DNAH6: variants seen among roughly 807,000 people sequenced by gnomAD.
DNAH6 encodes the protein axonemal beta dynein heavy chain 6.
Under a neutral mutation model 491.4 loss-of-function variants are expected in DNAH6, and 340 were observed. The ratio of observed to expected loss-of-function variants is 0.69; its 90% confidence interval spans 0.63 to 0.76. The LOEUF (loss-of-function observed/expected upper bound fraction) is 0.76. DNAH6 is among the 30% of genes least tolerant of loss of function. DNAH6 has a pLI of 0.00. For missense variants in DNAH6, 4,443 were observed against 4,972.2 expected (o/e 0.89, Z 3.20); for synonymous variants, 1,603 against 1,686.1 (o/e 0.95, Z 1.21).
chr2:84,785,283 A>T (rs1295981538), intron 66 of DNAH6, among the ~76,000 whole-genome samples: 1 of 152,198 alleles, frequency 6.6e-6, no homozygotes, highest in African/African-American at 2.4e-5. Flanking sequence ...TGCCCTATGT[A>T]GGGATGATGC....
At position 84,699,687 on chromosome 2, in the gene DNAH6, A is replaced by G. The variant is rs1425882040; in HGVS notation, c.7771A>G (p.Met2591Val). The G allele has an allele frequency of 6.4e-7, 1 of 1,551,724 alleles. No homozygotes were observed. The highest frequency in any genetic ancestry group is 8.7e-7 in the Non-Finnish European group (1 of 1,146,992). ...GGAGGCCTTTCGGTCCCGATGCAGG[A>G]TGTTTCCATCCCTTGTGAATTGCTG... ...VGEAFRSRCR[M>V]FPSLVNCCTI... Residue 2591 changes from methionine (M) to valine (V), a missense_variant, in exon 48 of 77, where the codon ATG (methionine) becomes GTG (valine). Met to Val is a conservative substitution (Grantham distance 21). Coordinates refer to ENST00000389394, the MANE Select transcript of DNAH6 (RefSeq NM_001370.2).
the DNAH6 span, among the ~76,000 whole-genome samples, chr2:84,477,567 A>G: frequency 6.6e-6 from 1 of 152,188 alleles, no homozygotes; most frequent in Admixed American, 6.5e-5. Context: ...CTAAGCTCTC[A>G]TGGTTTCCCT....
chr2:84,729,667 C>G (rs976932204), intron 61 of DNAH6, among the ~76,000 whole-genome samples: 2 of 152,166 alleles, frequency 1.3e-5, no homozygotes, highest in Non-Finnish European at 2.9e-5. Context: ...CCATCAAACT[C>G]AAAATTTAAA....
chr2:84,518,926 A>C (rs1675867708), intron 2 of DNAH6, among the ~76,000 whole-genome samples: 1 of 152,144 alleles, frequency 6.6e-6, no homozygotes, highest in Non-Finnish European at 1.5e-5. Context: ...TCATGCCTGT[A>C]ATCTTAGCAC....
At chr2:84,593,205 T>G (rs774407102) in intron 16 of DNAH6, among the ~76,000 whole-genome samples, 12 of 152,344 alleles carry the variant, frequency 7.9e-5, no homozygotes, top group Middle Eastern at 3.4e-3. Flanking sequence ...ACTTCAAGAC[T>G]GATTCCTTCC....
chr2:84,473,524 C>T, the DNAH6 span, among the ~76,000 whole-genome samples: 210 of 152,294 alleles, frequency 1.4e-3, 2 homozygotes, highest in African/African-American at 4.6e-3. Flanking sequence ...ATTTTTTCTT[C>T]AATTAATTGA....
In DNAH6 at chr2:84,525,680, G is replaced by A. The variant is rs1676546191; in HGVS notation, c.341G>A (p.Ser114Asn). The change falls in exon 3 of 77, where the codon AGT becomes AAT. Residue 114 changes from serine to asparagine, a missense_variant. By Grantham distance (46) the Ser-to-Asn change is conservative. This residue lies in a region of DNAH6 where 2,977 missense variants were observed against 3,296.6 expected (regional missense o/e 0.90). Transcript: ENST00000389394. ...CGTCCAGTAAGCATAGCAAAAAAAA[G>A]TTTTGCCACATCATCTACTCAGTTT... is the stretch of plus-strand genomic sequence containing the variant. ...IKRPVSIAKK[S>N]FATSSTQFLE... The A allele has an allele frequency of 1.3e-5, 20 of 1,550,164 alleles. No individual in the cohort carries two copies. The highest frequency in any genetic ancestry group is 1.7e-5 in the Non-Finnish European group (20 of 1,146,212).
chr2:84,616,995 AG>A lies in DNAH6; in HGVS notation c.3572+14del. On this transcript the variant is annotated intron_variant, in intron 23 of 76. Transcript: ENST00000389394. ...TTATCTTTCCAAGGTAAGTTTATAA[AG>A]CAACCTAAGATATTTTTTAGTAGTT... is the stretch of plus-strand genomic sequence containing the variant. 1.4e-6 allele frequency: 2 copies of A among 1,393,272 alleles called. No individual in the cohort carries two copies. Among genetic ancestry groups the A allele is most frequent in the Non-Finnish European group, 1.9e-6 (2 of 1,035,178 alleles). The allele number at this position is 1,393,272 out of a possible 1,614,324, so 86.3% of individuals were successfully genotyped here.
chr2:84,642,238 A>G (rs1263826980), intron 33 of DNAH6, among the ~76,000 whole-genome samples, 184 bp downstream of exon 33: 1 of 152,166 alleles, frequency 6.6e-6, no homozygotes, highest in Non-Finnish European at 1.5e-5. Context: ...CATAATTACA[A>G]TCATTTGTGT....
chr2:84,661,323 A>G lies in DNAH6; in HGVS notation c.6084+2154A>G, dbSNP rs540740746. ...CAACTTTTAGTAAACACTATATTGG[A>G]GAGTCTAGCCAGTGCAATAAGGCAA... On this transcript the variant is annotated intron_variant, in intron 37 of 76. Coordinates refer to ENST00000389394, the MANE Select transcript of DNAH6 (RefSeq NM_001370.2). Among the ~76,000 whole-genome samples, 4 of 152,266 alleles carry G rather than the reference A, an allele frequency of 2.6e-5. No homozygotes were observed. In the East Asian group the frequency reaches 7.7e-4, roughly 29 times the overall value.
intron 72 of DNAH6, 58 bp from the exon 73 acceptor site, chr2:84,812,283 C>T: frequency 6.8e-7 from 1 of 1,469,326 alleles, no homozygotes; most frequent in Non-Finnish European, 9.2e-7. Context: ...TAATGTGTGT[C>T]ACTGACACTG....
At chr2:84,793,410 T>C (rs955411969) in intron 68 of DNAH6, among the ~76,000 whole-genome samples, 2 of 152,226 alleles carry the variant, frequency 1.3e-5, no homozygotes, top group African/African-American at 2.4e-5. Context: ...TGTTGATTTG[T>C]AAGGAAAACA....
In DNAH6 at chr2:84,525,740, TATA is replaced by T. The variant is rs1457953811; in HGVS notation, c.399+6_399+8del. The T allele has an allele frequency of 6.5e-7, 1 of 1,534,210 alleles. No homozygotes were observed. The highest frequency in any genetic ancestry group is 8.8e-7 in the Non-Finnish European group (1 of 1,140,098). ...CAAGATGCTGTGAAAAAAATGCAGG[TATA>T]ATATTAAAATACTTAATTGATTCTT... On this transcript the variant is annotated splice_donor_5th_base_variant and intron_variant, in intron 3 of 76. Transcript: ENST00000389394.
chr2:84,544,016 T>G (rs1678519376), intron 4 of DNAH6, among the ~76,000 whole-genome samples: 1 of 152,154 alleles, frequency 6.6e-6, no homozygotes, highest in Non-Finnish European at 1.5e-5. Context: ...AAGCCAATAT[T>G]GCCACAGTTG....
At chr2:84,490,736 A>G in the DNAH6 span, among the ~76,000 whole-genome samples, 1 of 152,000 alleles carries the variant, frequency 6.6e-6, no homozygotes, top group Admixed American at 6.6e-5. Flanking sequence ...TAATTTTTAT[A>G]TCTTTAGTAG....
intron 68 of DNAH6, among the ~76,000 whole-genome samples, chr2:84,789,203 T>A (rs916925689): frequency 1.3e-5 from 2 of 152,196 alleles, no homozygotes; most frequent in Non-Finnish European, 2.9e-5. Context: ...CCACATCAAT[T>A]TGCAAAGAAA....
chr2:84,482,520 C>T, the DNAH6 span, among the ~76,000 whole-genome samples: 1 of 152,236 alleles, frequency 6.6e-6, no homozygotes, highest in African/African-American at 2.4e-5. Context: ...GCAAACTGCT[C>T]CCTTCTAGAG....
At chr2:84,537,578 T>C (rs1222710165) in intron 4 of DNAH6, among the ~76,000 whole-genome samples, 1 of 152,082 alleles carries the variant, frequency 6.6e-6, no homozygotes, top group Non-Finnish European at 1.5e-5. Context: ...TCCGGGTTTT[T>C]CTGAGTAGAT....
chr2:84,538,854 A>C (rs1250261881), intron 4 of DNAH6, among the ~76,000 whole-genome samples: 1 of 152,076 alleles, frequency 6.6e-6, no homozygotes, highest in African/African-American at 2.4e-5. Context: ...CTCACACTAA[A>C]GCTCTTTTAT....
Sources: gnomAD v4.1 joint callset for allele counts (sites outside exome capture counted in the v4.1 genomes callset) on GRCh38, gnomAD v4.1.1 for gene constraint, gnomAD v4.1.1 regional missense constraint, MANE v1.5 for transcripts, NCBI Gene and HGNC (gene_info 2026-07-23, HGNC 2026-07-21) for gene names.